Variants in PRR16 observed in about 807,000 individuals in gnomAD.
PRR16 encodes the protein protein Largen.
PRR16 carries 6 observed loss-of-function variants against 18.2 expected under a neutral mutation model. That is an observed-to-expected ratio of 0.33 (90% CI 0.18 to 0.65). The LOEUF (loss-of-function observed/expected upper bound fraction) is 0.65, where lower values mean the gene tolerates loss of function less well. Among genes scored for constraint, PRR16 ranks in the 30% least tolerant of loss-of-function variants. PRR16 has a pLI of 0.74. For synonymous variants in PRR16, 151 were observed against 147.8 expected (o/e 1.02, Z -0.16); for missense variants, 412 against 376.6 (o/e 1.09, Z -0.78).
the PRR16 span, among the ~76,000 whole-genome samples, chr5:120,728,641 G>A: frequency 3.3e-5 from 5 of 152,122 alleles, no homozygotes; most frequent in South Asian, 2.1e-4. Flanking sequence ...TTTTCAAGAA[G>A]AGAATTTATT....
At chr5:120,504,439 A>T (rs1210522294) in intron 1 of PRR16, among the ~76,000 whole-genome samples, 1 of 152,174 alleles carries the variant, frequency 6.6e-6, no homozygotes, top group Non-Finnish European at 1.5e-5. Context: ...TTACTGAAGA[A>T]ATTGTGGGGA....
At chr5:120,502,880 G>A (rs1171128796) in intron 1 of PRR16, among the ~76,000 whole-genome samples, 1 of 152,108 alleles carries the variant, frequency 6.6e-6, no homozygotes, top group African/African-American at 2.4e-5. Context: ...TTCTTATTCA[G>A]ATAGTCTACT....
chr5:120,669,945 C>G (rs1756540254), intron 1 of PRR16, among the ~76,000 whole-genome samples: 1 of 151,962 alleles, frequency 6.6e-6, no homozygotes, highest in Admixed American at 6.6e-5. Flanking sequence ...GTTTATATGA[C>G]TACCAAAGGT....
chr5:120,690,240 TCTAA>T (rs1411658740), downstream of PRR16, among the ~76,000 whole-genome samples: 7 of 152,164 alleles, frequency 4.6e-5, no homozygotes, highest in South Asian at 1.2e-3. Flanking sequence ...ATCTACAGAG[TCTAA>T]CTATAGCTCT....
chr5:120,761,465 T>C, the PRR16 span, among the ~76,000 whole-genome samples: 1 of 152,138 alleles, frequency 6.6e-6, no homozygotes. Context: ...AAATGCCCGA[T>C]TCTCTTTTGT....
the PRR16 span, among the ~76,000 whole-genome samples, chr5:120,769,975 CT>C: frequency 2.0e-5 from 3 of 151,758 alleles, no homozygotes; most frequent in Non-Finnish European, 4.4e-5. Flanking sequence ...AGCGTCTTTT[CT>C]TACAGCTGTT....
intron 1 of PRR16, among the ~76,000 whole-genome samples, chr5:120,509,330 A>G (rs1750747691): frequency 6.6e-6 from 1 of 152,090 alleles, no homozygotes; most frequent in African/African-American, 2.4e-5. Flanking sequence ...GTTTACAACC[A>G]TATGCTTTTG....
chr5:120,781,796 C>T, the PRR16 span, among the ~76,000 whole-genome samples: 1 of 152,044 alleles, frequency 6.6e-6, no homozygotes, highest in East Asian at 1.9e-4. Flanking sequence ...GCTTCTATAT[C>T]TTCATTAATA....
intron 1 of PRR16, among the ~76,000 whole-genome samples, chr5:120,493,393 C>T (rs940002810): frequency 3.9e-5 from 6 of 151,990 alleles, no homozygotes; most frequent in African/African-American, 1.4e-4. Context: ...ACTACAGCAT[C>T]GCTTTTACAC....
At chr5:120,657,555 A>C (rs1473303423) in intron 1 of PRR16, among the ~76,000 whole-genome samples, 1 of 151,964 alleles carries the variant, frequency 6.6e-6, no homozygotes, top group Admixed American at 6.6e-5. Context: ...CACTTTCTGC[A>C]AGGATATCTT....
At chr5:120,649,932 A>C (rs111905176) in intron 1 of PRR16, among the ~76,000 whole-genome samples, 6 of 152,088 alleles carry the variant, frequency 3.9e-5, no homozygotes, top group Admixed American at 2.0e-4. Context: ...TGAATATTAT[A>C]TAGTGTATAT....
intron 1 of PRR16, among the ~76,000 whole-genome samples, chr5:120,477,183 T>G (rs1749468758): frequency 6.6e-6 from 1 of 152,188 alleles, no homozygotes; most frequent in East Asian, 1.9e-4. Context: ...ATTCCATTTA[T>G]ATGTCCACGA....
intron 1 of PRR16, among the ~76,000 whole-genome samples, chr5:120,478,883 T>G (rs369201186): frequency 6.6e-6 from 1 of 152,146 alleles, no homozygotes; most frequent in East Asian, 1.9e-4. Flanking sequence ...CTTTAGCCAT[T>G]ACAAATTTTA....
At chr5:120,575,279 A>G (rs1753036173) in intron 1 of PRR16, among the ~76,000 whole-genome samples, 1 of 151,040 alleles carries the variant, frequency 6.6e-6, no homozygotes, top group Non-Finnish European at 1.5e-5. Context: ...CAAATAATCA[A>G]AAACTGGATG....
intron 1 of PRR16, among the ~76,000 whole-genome samples, chr5:120,517,066 A>G (rs903501861): frequency 6.6e-6 from 1 of 152,206 alleles, no homozygotes. Context: ...CCTGAGTCAG[A>G]GTAAAAAATT....
rs530874433 is a variant in PRR16 at position 120,597,192 on chromosome 5, G to A, written c.160-88762G>A. ...AGAAGACTTTATTTATTGTATTTGAGTACTAGTACTTTATAAGGTGTATGC... is the reference window on the plus strand; with the variant it reads ...AGAAGACTTTATTTATTGTATTTGAATACTAGTACTTTATAAGGTGTATGC... On this transcript the variant is annotated intron_variant, in intron 1 of 1. Transcript: ENST00000407149. Among the ~76,000 whole-genome samples, 3 of 151,436 alleles carry A rather than the reference G, an allele frequency of 2.0e-5. No individual in the cohort carries two copies. In the South Asian group the frequency reaches 6.2e-4, roughly 31 times the overall value.
chr5:120,575,143 G>A (rs1561553310), intron 1 of PRR16, among the ~76,000 whole-genome samples: 1 of 152,062 alleles, frequency 6.6e-6, no homozygotes, highest in Non-Finnish European at 1.5e-5. Flanking sequence ...GGCAAATATA[G>A]AGAATTTATG....
chr5:120,745,855 C>G, the PRR16 span, among the ~76,000 whole-genome samples: 1 of 133,304 alleles, frequency 7.5e-6, no homozygotes, highest in African/African-American at 3.0e-5. Context: ...CCCGCCACCA[C>G]GCCCGGGTAA....
chr5:120,572,008 A>G (rs1752922931), intron 1 of PRR16, among the ~76,000 whole-genome samples: 1 of 152,108 alleles, frequency 6.6e-6, no homozygotes, highest in African/African-American at 2.4e-5. Context: ...ATGGTATCCA[A>G]ACTGTTTGCA....
Sources: allele counts gnomAD v4.1 joint callset (sites outside exome capture counted in the v4.1 genomes callset), GRCh38; gene constraint gnomAD v4.1.1; transcripts MANE v1.5; gene names NCBI Gene and HGNC (gene_info 2026-07-23, HGNC 2026-07-21).